FAF1: variants seen among roughly 807,000 people sequenced by gnomAD.
FAF1 encodes the protein FAS-associated factor 1.
FAF1 carries 25 observed loss-of-function variants against 92.5 expected under a neutral mutation model. That is an observed-to-expected ratio of 0.27 (90% CI 0.20 to 0.38). The LOEUF is 0.38. FAF1 is among the 10% of genes least tolerant of loss of function. The pLI, the probability that FAF1 is intolerant of heterozygous loss-of-function variation, is 1.00. For synonymous variants in FAF1, 234 were observed against 273.2 expected (o/e 0.86, Z 1.42); for missense variants, 636 against 793.3 (o/e 0.80, Z 2.38).
At chr1:50,670,198 C>T (rs1655810719) in intron 7 of FAF1, among the ~76,000 whole-genome samples, 1 of 151,612 alleles carries the variant, frequency 6.6e-6, no homozygotes. Flanking sequence ...TTGGAGCAGC[C>T]GGGGGTGAGA....
At chr1:50,898,635 C>T (rs1644774105) in intron 1 of FAF1, among the ~76,000 whole-genome samples, 1 of 152,068 alleles carries the variant, frequency 6.6e-6, no homozygotes, top group African/African-American at 2.4e-5. Flanking sequence ...AGGGCATTCT[C>T]CAGGACAGAC....
intron 8 of FAF1, among the ~76,000 whole-genome samples, chr1:50,623,339 G>A (rs992638074): frequency 2.0e-5 from 3 of 152,064 alleles, no homozygotes; most frequent in South Asian, 2.1e-4. Flanking sequence ...AGGCCAAGGC[G>A]GGTGGACTGC....
At chr1:50,819,788 C>CAT (rs778909423) in intron 2 of FAF1, among the ~76,000 whole-genome samples, 1 of 54,202 alleles carries the variant, frequency 1.8e-5, no homozygotes, top group African/African-American at 6.8e-5. Context: ...CATATATATA[C>CAT]ATATATATAT....
At chr1:50,501,240 C>T (rs1398944105) in intron 15 of FAF1, among the ~76,000 whole-genome samples, 1 of 152,200 alleles carries the variant, frequency 6.6e-6, no homozygotes, top group Admixed American at 6.5e-5. Context: ...TTTGCAGACA[C>T]TTCATCAAAA....
intron 4 of FAF1, among the ~76,000 whole-genome samples, chr1:50,752,689 T>G (rs930192091): frequency 1.3e-5 from 2 of 152,252 alleles, no homozygotes; most frequent in East Asian, 3.9e-4. Flanking sequence ...TTTTTGGTTT[T>G]GTTTTGTTTT....
intron 1 of FAF1, among the ~76,000 whole-genome samples, chr1:50,911,751 G>A (rs1413621697): frequency 6.6e-6 from 1 of 151,684 alleles, no homozygotes; most frequent in Non-Finnish European, 1.5e-5. Flanking sequence ...TTTGTACTTG[G>A]GCCAGGCATG....
intron 2 of FAF1, among the ~76,000 whole-genome samples, chr1:50,850,922 A>G (rs977426653): frequency 6.6e-6 from 1 of 152,208 alleles, no homozygotes; most frequent in Non-Finnish European, 1.5e-5. Flanking sequence ...TCATATTTAC[A>G]GGTGTGCTAA....
chr1:50,705,427 G>A (rs1569803230), intron 7 of FAF1, among the ~76,000 whole-genome samples: 1 of 152,166 alleles, frequency 6.6e-6, no homozygotes, highest in Non-Finnish European at 1.5e-5. Context: ...AATTATTTGA[G>A]AGCAACCTTT....
Position 50,654,367 on chromosome 1 carries a change from TTTAC to T in FAF1, c.744+1071_744+1074del, listed in dbSNP as rs765091258. Among the ~76,000 whole-genome samples, 5 of 152,288 alleles carry T rather than the reference TTTAC, an allele frequency of 3.3e-5. No individual in the cohort carries two copies. The East Asian group carries it at 9.6e-4, about 29-fold the overall frequency. On this transcript the variant is annotated intron_variant, in intron 8 of 18. Coordinates refer to ENST00000396153, the MANE Select transcript of FAF1 (RefSeq NM_007051.3). ...TTCCAGAAACATTCTCATTTTTACTTTTACTTTTTAAAAAAACTTAGGTATCTGG... is the reference window on the plus strand; with the variant it reads ...TTCCAGAAACATTCTCATTTTTACTTTTTTTAAAAAAACTTAGGTATCTGG...
chr1:50,472,414 CA>C (rs1646586609), intron 18 of FAF1, among the ~76,000 whole-genome samples: 1 of 147,650 alleles, frequency 6.8e-6, no homozygotes, highest in Non-Finnish European at 1.5e-5. Context: ...CACACACACA[CA>C]CACACACAAA....
rs74080040 is a variant in FAF1, at chr1:50,654,640, T to C, written c.744+802A>G. On this transcript the variant is annotated intron_variant, in intron 8 of 18. Transcript: ENST00000396153. Reference sequence around the variant, plus strand: ...GGGTATGTTTGAGATTAAAGTGTTATTAACTATAAAAATTAACTTTTAAGT... The same window carrying C: ...GGGTATGTTTGAGATTAAAGTGTTACTAACTATAAAAATTAACTTTTAAGT... Among the ~76,000 whole-genome samples the C allele has an allele frequency of 7.7e-3, 1,167 of 152,334 alleles. 12 individuals are homozygous for C. The highest frequency in any genetic ancestry group is 0.027 in the African/African-American group (1,122 of 41,578).
At position 50,583,782 on chromosome 1, in the gene FAF1, C is replaced by T. The variant is rs1651099100; in HGVS notation, c.968-67G>A. The T allele has an allele frequency of 3.3e-6, 3 of 900,630 alleles. No individual in the cohort carries two copies. Among genetic ancestry groups the T allele is most frequent in the Non-Finnish European group, 5.2e-6 (3 of 577,114 alleles). 55.8% of individuals were successfully genotyped at this position (900,630 alleles called of 1,614,324 possible). On this transcript the variant is annotated intron_variant, in intron 10 of 18. Coordinates refer to ENST00000396153, the MANE Select transcript of FAF1 (RefSeq NM_007051.3). The surrounding 1 kb of genome is among the most constrained non-coding windows in gnomAD (Gnocchi z 4.2). ...AACAAATAGACACAAAAACAAACCA[C>T]ATAACATCTAATCCCACATATAAGA...
intron 7 of FAF1, among the ~76,000 whole-genome samples, chr1:50,671,999 T>C (rs1655903508): frequency 6.7e-6 from 1 of 150,170 alleles, no homozygotes; most frequent in African/African-American, 2.5e-5. Context: ...GGTCTCACTA[T>C]GTTGTCCAGG....
chr1:50,907,661 T>C (rs535640928), intron 1 of FAF1, among the ~76,000 whole-genome samples: 16 of 152,348 alleles, frequency 1.1e-4, no homozygotes, highest in African/African-American at 3.8e-4. Context: ...TCTAGTTTTT[T>C]TTCATAGAGT....
Position 50,801,645 on chromosome 1 carries a change from AT to A in FAF1, c.146del (p.Asn49MetfsTer39). The part of the protein sequence containing the change: ...AAINGVIPQE[N>X]GILQSEYGGE... ...TTATAACATACCTTTGTAGAATGCC[AT>A]TTTCCTGTGGTATTACACCATTGAT... is the stretch of plus-strand genomic sequence containing the variant. On this transcript the variant is annotated frameshift_variant, in exon 3 of 19. Coordinates refer to ENST00000396153, the MANE Select transcript of FAF1 (RefSeq NM_007051.3). LOFTEE classifies it high-confidence loss of function. The A allele has an allele frequency of 1.3e-6, 2 of 1,591,128 alleles. No individual in the cohort carries two copies. The highest frequency in any genetic ancestry group is 1.7e-6 in the Non-Finnish European group (2 of 1,159,476).
chr1:50,836,764 A>T (rs530772189), intron 2 of FAF1, among the ~76,000 whole-genome samples: 1 of 152,216 alleles, frequency 6.6e-6, no homozygotes, highest in South Asian at 2.1e-4. Flanking sequence ...AAAGAAAGTA[A>T]ATTGCAAGCA....
intron 17 of FAF1, among the ~76,000 whole-genome samples, chr1:50,487,155 T>C (rs1020021473): frequency 6.6e-6 from 1 of 152,214 alleles, no homozygotes; most frequent in African/African-American, 2.4e-5. Context: ...CAGCTTCCTC[T>C]TGAACAGGAA....
At chr1:50,595,587 G>C (rs1225149639) in intron 9 of FAF1, among the ~76,000 whole-genome samples, 2 of 152,012 alleles carry the variant, frequency 1.3e-5, no homozygotes, top group African/African-American at 4.8e-5. Context: ...CTGTTGCTTA[G>C]GCTGGAGTGC....
At chr1:50,904,304 G>C (rs529361359) in intron 1 of FAF1, among the ~76,000 whole-genome samples, 421 of 152,250 alleles carry the variant, frequency 2.8e-3, no homozygotes, top group Non-Finnish European at 4.7e-3. Context: ...TGAGGTACTA[G>C]AGTAGTCAAA....
Sources: allele counts gnomAD v4.1 joint callset (sites outside exome capture counted in the v4.1 genomes callset), GRCh38; gene constraint gnomAD v4.1.1; non-coding constraint Gnocchi (gnomAD v3.1); transcripts MANE v1.5; gene names NCBI Gene and HGNC (gene_info 2026-07-23, HGNC 2026-07-21).